SORCS1: variants seen among roughly 807,000 people sequenced by gnomAD.
SORCS1 encodes VPS10 domain-containing receptor SorCS1.
Under a neutral mutation model 146.1 loss-of-function variants are expected in SORCS1, and 60 were observed. The ratio of observed to expected loss-of-function variants is 0.41; its 90% CI spans 0.33 to 0.51. SORCS1 has a LOEUF of 0.51. Ranked by LOEUF, SORCS1 falls within the 20% of genes least tolerant of loss-of-function variation. The pLI is 0.21. For synonymous variants in SORCS1, 637 were observed against 584.0 expected, an observed-to-expected ratio of 1.09 and a Z score of -1.31; for missense variants, 1,352 against 1,487.6, an observed-to-expected ratio of 0.91 and a Z score of 1.50.
intron 2 of SORCS1, among the ~76,000 whole-genome samples, chr10:106,897,018 G>C (rs146371939): frequency 0.087 from 13,205 of 151,014 alleles, 606 homozygotes; most frequent in South Asian, 0.14. Context: ...AGCCTCCCGA[G>C]TAGCTGGGAC....
chr10:106,739,488 A>G (rs1221592386), intron 5 of SORCS1, among the ~76,000 whole-genome samples: 2 of 150,358 alleles, frequency 1.3e-5, no homozygotes, highest in Admixed American at 1.3e-4. Context: ...GACTGTCTCA[A>G]AAAGAAAAAA....
At chr10:107,087,995 G>T (rs757090026) in intron 1 of SORCS1, among the ~76,000 whole-genome samples, 14 of 152,112 alleles carry the variant, frequency 9.2e-5, no homozygotes, top group South Asian at 4.1e-4. Context: ...CTCGGCTCAC[G>T]GCAAGCTCCG....
chr10:107,103,092 A>G (rs1965053930), intron 1 of SORCS1, among the ~76,000 whole-genome samples: 1 of 152,240 alleles, frequency 6.6e-6, no homozygotes, highest in Non-Finnish European at 1.5e-5. Context: ...TCAGGAGAAT[A>G]TGACCACAAA....
intron 1 of SORCS1, among the ~76,000 whole-genome samples, chr10:107,039,386 G>A (rs1434314585): frequency 6.7e-6 from 1 of 149,704 alleles, no homozygotes; most frequent in East Asian, 1.9e-4. Flanking sequence ...CAAACTAACT[G>A]AAAATTCTGG....
chr10:106,789,700 T>C (rs941253325), intron 3 of SORCS1, among the ~76,000 whole-genome samples: 4 of 152,226 alleles, frequency 2.6e-5, no homozygotes, highest in African/African-American at 9.6e-5. Context: ...CATCTTCCAG[T>C]CTTCTGATCC....
At chr10:107,054,777 T>G (rs1338404332) in intron 1 of SORCS1, among the ~76,000 whole-genome samples, 3 of 152,154 alleles carry the variant, frequency 2.0e-5, no homozygotes, top group Admixed American at 2.0e-4. Context: ...GTTGTTAAAT[T>G]CAGCCCCAAC....
intron 6 of SORCS1, among the ~76,000 whole-genome samples, chr10:106,719,385 T>C (rs886571479): frequency 1.3e-5 from 2 of 151,412 alleles, no homozygotes; most frequent in African/African-American, 4.8e-5. Context: ...CTCTAAGACA[T>C]GTGGATATAT....
intron 1 of SORCS1, among the ~76,000 whole-genome samples, chr10:107,115,486 C>A (rs1965972381): frequency 6.6e-6 from 1 of 151,852 alleles, no homozygotes; most frequent in South Asian, 2.1e-4. Flanking sequence ...ATGAGAGTGC[C>A]AAGAATATAC....
At chr10:107,062,913 G>A (rs1332568769) in intron 1 of SORCS1, among the ~76,000 whole-genome samples, 1 of 152,068 alleles carries the variant, frequency 6.6e-6, no homozygotes, top group Non-Finnish European at 1.5e-5. Context: ...TGAAAAGGGG[G>A]AAAAATCCTA....
Position 106,574,048 on chromosome 10 carries a change from C to CT in SORCS1, c.*3371dup, listed in dbSNP as rs140744370. ...AAGTAGTTCCAATACTATAAGAAAA[C>CT]TTTTTTTTTTTTTAATTGGCTTCCT... is the stretch of plus-strand genomic sequence containing the variant. On this transcript the variant is annotated 3_prime_UTR_variant, in exon 26 of 26. Coordinates refer to ENST00000263054, the MANE Select transcript of SORCS1 (RefSeq NM_052918.5). 1,116 of 120,886 alleles carry CT rather than the reference C, an allele frequency of 9.2e-3. 9 individuals carry two copies. The highest frequency in any genetic ancestry group is 0.019 in the Middle Eastern group (5 of 264). 7.5% of individuals were successfully genotyped at this position (120,886 alleles called of 1,614,324 possible). A position where few individuals can be genotyped will look rare whatever the true frequency, so the allele number is the denominator to read the frequency against.
chr10:106,661,874 C>T (rs1850756423), intron 17 of SORCS1, among the ~76,000 whole-genome samples: 2 of 152,218 alleles, frequency 1.3e-5, no homozygotes, highest in South Asian at 4.1e-4. Context: ...CCTTGCTTTC[C>T]ACCTTCATGT....
At chr10:107,141,858 T>C (rs999719638) in intron 1 of SORCS1, among the ~76,000 whole-genome samples, 4 of 152,148 alleles carry the variant, frequency 2.6e-5, no homozygotes, top group African/African-American at 9.7e-5. Context: ...GCACCATCCC[T>C]TCACTTCACT....
chr10:106,993,530 T>G (rs768707673), intron 1 of SORCS1, among the ~76,000 whole-genome samples: 1 of 152,172 alleles, frequency 6.6e-6, no homozygotes, highest in Non-Finnish European at 1.5e-5. Flanking sequence ...CAGAAGAGTA[T>G]GCAGGAATTT....
At chr10:106,715,596 T>A (rs1221296033) in intron 6 of SORCS1, among the ~76,000 whole-genome samples, 2 of 152,184 alleles carry the variant, frequency 1.3e-5, no homozygotes, top group Non-Finnish European at 2.9e-5. Context: ...ATGACCTTAG[T>A]CTTGAAATGT....
chr10:106,862,573 A>C (rs573899733), intron 2 of SORCS1, among the ~76,000 whole-genome samples: 16 of 152,216 alleles, frequency 1.1e-4, no homozygotes, highest in Admixed American at 9.8e-4. Context: ...CCCCGACCCA[A>C]CACACACAGT....
intron 17 of SORCS1, among the ~76,000 whole-genome samples, chr10:106,662,627 G>C (rs1425183428): frequency 6.6e-6 from 1 of 152,158 alleles, no homozygotes; most frequent in Non-Finnish European, 1.5e-5. Flanking sequence ...AATGGCACTG[G>C]ACACAGGGTT....
the SORCS1 span, among the ~76,000 whole-genome samples, chr10:107,172,425 GT>G: frequency 6.6e-6 from 1 of 152,174 alleles, no homozygotes; most frequent in Non-Finnish European, 1.5e-5. Context: ...ATCTTGTAAT[GT>G]ACTTTTTGGT....
intron 2 of SORCS1, among the ~76,000 whole-genome samples, chr10:106,870,584 G>A (rs542926431): frequency 1.3e-5 from 2 of 152,248 alleles, no homozygotes; most frequent in African/African-American, 4.8e-5. Flanking sequence ...ACAAACAATA[G>A]GGAAAAGACT....
intron 3 of SORCS1, among the ~76,000 whole-genome samples, chr10:106,784,616 C>T (rs1945971798): frequency 6.6e-6 from 1 of 152,096 alleles, no homozygotes; most frequent in Non-Finnish European, 1.5e-5. Context: ...CTCTTAAATC[C>T]CCAAAGGTCT....
Sources: gnomAD v4.1 joint callset for allele counts (sites outside exome capture counted in the v4.1 genomes callset) on GRCh38, gnomAD v4.1.1 for gene constraint, MANE v1.5 for transcripts, NCBI Gene and HGNC (gene_info 2026-07-23, HGNC 2026-07-21) for gene names.